CFAP299: variants seen among roughly 807,000 people sequenced by gnomAD.
CFAP299 encodes cilia- and flagella-associated protein 299.
CFAP299 carries 21 observed loss-of-function variants against 27.0 expected under a neutral mutation model. The observed-to-expected ratio is 0.78, with a 90% CI of 0.55 to 1.12. CFAP299 has a LOEUF of 1.12. CFAP299 is among the 50% of genes most tolerant of loss of function. The probability of loss-of-function intolerance (pLI) is 0.00; values close to 1 mark genes in which losing one functional copy is unlikely to be tolerated. For missense variants in CFAP299, 310 were observed against 276.6 expected (o/e 1.12, Z -0.86); for synonymous variants, 104 against 98.1 (o/e 1.06, Z -0.36).
At chr4:80,524,863 G>T (rs1196643646) in intron 2 of CFAP299, among the ~76,000 whole-genome samples, 1 of 152,130 alleles carries the variant, frequency 6.6e-6, no homozygotes, top group East Asian at 1.9e-4. Flanking sequence ...TTCTCCTGCT[G>T]GTTCTCACGA....
chr4:80,496,910 G>GAGGT lies in CFAP299; in HGVS notation c.243-86178_243-86175dup, dbSNP rs1731472496. On this transcript the variant is annotated intron_variant, in intron 2 of 5. Coordinates refer to ENST00000358105, the MANE Select transcript of CFAP299 (RefSeq NM_152770.3). ...GGTGAATGTACGTGCAAGAGAGATG[G>GAGGT]AGGTAGGTGCCACAGTTTTAAATGA... 2.0e-5 allele frequency among the ~76,000 whole-genome samples: 3 copies of GAGGT among 152,092 alleles called. No homozygotes were observed. In the South Asian group the frequency reaches 6.2e-4, roughly 31 times the overall value.
At chr4:80,487,430 T>C (rs1730876130) in intron 2 of CFAP299, among the ~76,000 whole-genome samples, 1 of 152,198 alleles carries the variant, frequency 6.6e-6, no homozygotes, top group Non-Finnish European at 1.5e-5. Context: ...CTTTCTAGTA[T>C]CTTGTGCCAT....
chr4:80,327,191 C>G, the CFAP299 span, among the ~76,000 whole-genome samples: 11 of 152,048 alleles, frequency 7.2e-5, no homozygotes, highest in African/African-American at 2.4e-4. Context: ...CTTTGACATC[C>G]TGATATCAGA....
At chr4:80,774,456 A>G (rs1041628801) in intron 3 of CFAP299, among the ~76,000 whole-genome samples, 4 of 151,938 alleles carry the variant, frequency 2.6e-5, no homozygotes, top group African/African-American at 7.2e-5. Context: ...TAAAAAATGC[A>G]TATTTATGTA....
chr4:80,377,062 C>T (rs1326490657), intron 2 of CFAP299, among the ~76,000 whole-genome samples: 2 of 151,950 alleles, frequency 1.3e-5, no homozygotes, highest in African/African-American at 2.4e-5. Context: ...ACATCTGTAC[C>T]TTGTCTTTTT....
At position 80,335,803 on chromosome 4, in the gene CFAP299, A is replaced by C. The variant is rs1355670888; in HGVS notation, c.35A>C (p.Asn12Thr). 6 of 1,613,792 alleles carry C rather than the reference A, an allele frequency of 3.7e-6. No individual in the cohort carries two copies. Among genetic ancestry groups the C allele is most frequent in the Non-Finnish European group, 5.1e-6 (6 of 1,179,682 alleles). The stretch of plus-strand genomic sequence containing the variant: ...GAAGAGGGGCTGAAGGCCTTGGACA[A>C]TATTGTCACTCAATTCAACGCCTAT... ...DQEEGLKALD[N>T]IVTQFNAYED... is the part of the protein sequence containing the mutation. Residue 12 changes from asparagine to threonine, a missense_variant, in exon 1 of 6, where the codon AAT (asparagine) becomes ACT (threonine). Coordinates refer to ENST00000358105, the MANE Select transcript of CFAP299 (RefSeq NM_152770.3).
intron 3 of CFAP299, among the ~76,000 whole-genome samples, chr4:80,788,551 A>G (rs962576448): frequency 6.6e-6 from 1 of 152,026 alleles, no homozygotes; most frequent in East Asian, 1.9e-4. Flanking sequence ...GTGTATATAT[A>G]GTGTGTGTGA....
At chr4:80,732,726 C>T (rs1415175579) in intron 3 of CFAP299, among the ~76,000 whole-genome samples, 1 of 152,076 alleles carries the variant, frequency 6.6e-6, no homozygotes, top group Non-Finnish European at 1.5e-5. Flanking sequence ...ACATTCTTTT[C>T]TGTATTTCTC....
chr4:80,939,259 A>G lies in CFAP299; in HGVS notation c.477-5551A>G, dbSNP rs192893821. The stretch of plus-strand genomic sequence containing the variant: ...GTCTCATTATTTCTTTAAGTAAACT[A>G]TTTTATTTTCTTTTTCTCTGTTCCT... On this transcript the variant is annotated intron_variant, in intron 4 of 5. Transcript: ENST00000358105. Among the ~76,000 whole-genome samples, 407 of 152,230 alleles carry G rather than the reference A, an allele frequency of 2.7e-3. 1 individual carries two copies. The highest frequency in any genetic ancestry group is 0.01 in the Middle Eastern group (3 of 294).
intron 3 of CFAP299, among the ~76,000 whole-genome samples, chr4:80,642,215 A>G (rs966859047): frequency 6.6e-6 from 1 of 152,204 alleles, no homozygotes; most frequent in African/African-American, 2.4e-5. Flanking sequence ...AGGCAAAGGC[A>G]TCTGGTTGGA....
At chr4:80,447,130 G>GTTTTTTTT (rs1553923883) in intron 2 of CFAP299, among the ~76,000 whole-genome samples, 8 of 105,304 alleles carry the variant, frequency 7.6e-5, no homozygotes, top group South Asian at 3.4e-4. Flanking sequence ...TTTTTTTTTT[G>GTTTTTTTT]TTTTTTTTTT....
chr4:80,540,116 G>A (rs1372891951), intron 2 of CFAP299, among the ~76,000 whole-genome samples: 3 of 152,164 alleles, frequency 2.0e-5, no homozygotes, highest in East Asian at 1.9e-4. Flanking sequence ...AAATGCTGTC[G>A]CTTGTGAGTC....
intron 4 of CFAP299, among the ~76,000 whole-genome samples, chr4:80,923,643 G>A (rs936178412): frequency 6.6e-6 from 1 of 151,892 alleles, no homozygotes; most frequent in Non-Finnish European, 1.5e-5. Flanking sequence ...TGCCACTATG[G>A]TGCTAGTATT....
chr4:80,441,618 C>A (rs930468127), intron 2 of CFAP299, among the ~76,000 whole-genome samples: 1 of 152,152 alleles, frequency 6.6e-6, no homozygotes, highest in Admixed American at 6.5e-5. Context: ...AATGTAAAGA[C>A]CATCAACACT....
chr4:80,961,632 T>G (rs1373340314), intron 5 of CFAP299, among the ~76,000 whole-genome samples: 2 of 151,956 alleles, frequency 1.3e-5, no homozygotes, highest in Admixed American at 1.3e-4. Flanking sequence ...AAGGTCTTTC[T>G]AAATTATAAG....
chr4:80,897,158 A>G (rs550703301), intron 4 of CFAP299, among the ~76,000 whole-genome samples: 1 of 152,342 alleles, frequency 6.6e-6, no homozygotes, highest in South Asian at 2.1e-4. Flanking sequence ...GAAATGGAAT[A>G]TAAGACACAT....
chr4:80,670,592 T>G (rs1482590606), intron 3 of CFAP299, among the ~76,000 whole-genome samples: 4 of 152,214 alleles, frequency 2.6e-5, no homozygotes, highest in African/African-American at 9.6e-5. Flanking sequence ...TGAACTAGTG[T>G]ACACTCCTAC....
chr4:80,390,786 C>T lies in CFAP299; in HGVS notation c.242+27902C>T, dbSNP rs1317744722. On this transcript the variant is annotated intron_variant, in intron 2 of 5. Coordinates refer to ENST00000358105, the MANE Select transcript of CFAP299 (RefSeq NM_152770.3). ...GTATATATGTATATATACATATACA[C>T]ATATATGTATATGTATATATGTATA... Among the ~76,000 whole-genome samples, 8 of 138,998 alleles carry T rather than the reference C, an allele frequency of 5.8e-5. No homozygotes were observed. In the East Asian group the frequency reaches 1.2e-3, roughly 22 times the overall value. The allele number at this position is 138,998 out of a possible 152,430, so 91.2% of individuals were successfully genotyped here.
intron 2 of CFAP299, among the ~76,000 whole-genome samples, chr4:80,525,186 C>A (rs1733110525): frequency 6.6e-6 from 1 of 152,208 alleles, no homozygotes; most frequent in Admixed American, 6.6e-5. Flanking sequence ...GGCGTGACAT[C>A]CCATTACCTT....
Sources: allele counts gnomAD v4.1 joint callset (sites outside exome capture counted in the v4.1 genomes callset), GRCh38; gene constraint gnomAD v4.1.1; transcripts MANE v1.5; gene names NCBI Gene and HGNC (gene_info 2026-07-23, HGNC 2026-07-21).